Variants in IGLL1 observed in about 807,000 individuals in gnomAD.
IGLL1 encodes the protein immunoglobulin lambda like polypeptide 1, also known as immunoglobulin lambda-like polypeptide 1.
Under a neutral mutation model 10.5 loss-of-function variants are expected in IGLL1, and 10 were observed. The observed-to-expected ratio is 0.95, with a 90% CI of 0.59 to 1.62. The LOEUF (loss-of-function observed/expected upper bound fraction) is 1.62, where lower values mean the gene tolerates loss of function less well. Ranked by LOEUF, IGLL1 falls within the 40% of genes most tolerant of loss-of-function variation. IGLL1 has a pLI of 0.00. For missense variants in IGLL1, 284 were observed against 278.7 expected (o/e 1.02, Z -0.14); for synonymous variants, 141 against 122.7 (o/e 1.15, Z -0.99).
chr22:23,575,656 T>C (rs1042979503), intron 1 of IGLL1, among the ~76,000 whole-genome samples: 96 of 152,308 alleles, frequency 6.3e-4, no homozygotes, highest in African/African-American at 2.3e-3. Flanking sequence ...CGTCCATCCA[T>C]CTACCTGTCC....
intron 1 of IGLL1, 110 bp downstream of exon 1, chr22:23,579,875 C>T (rs935199720): frequency 2.1e-5 from 18 of 840,396 alleles, no homozygotes; most frequent in African/African-American, 5.1e-5. Flanking sequence ...TGTGGCTCCC[C>T]TCCAGGGATT....
intron 1 of IGLL1, among the ~76,000 whole-genome samples, chr22:23,575,662 T>C (rs1438609034): frequency 1.3e-5 from 2 of 152,158 alleles, no homozygotes; most frequent in Non-Finnish European, 2.9e-5. Flanking sequence ...TCCATCTACC[T>C]GTCCGTCCAT....
intron 1 of IGLL1, among the ~76,000 whole-genome samples, chr22:23,578,891 C>T (rs763927944): frequency 7.2e-5 from 11 of 151,938 alleles, no homozygotes; most frequent in South Asian, 2.1e-4. Context: ...ACCTGGGAGA[C>T]GGAGGTTTCA....
chr22:23,573,286 C>A lies in IGLL1; in HGVS notation c.622G>T (p.Ala208Ser), dbSNP rs753928148. 6.2e-7 allele frequency: 1 copy of A among 1,614,030 alleles called. No homozygotes were observed. The highest frequency in any genetic ancestry group is 8.5e-7 in the Non-Finnish European group (1 of 1,179,972). ...HEGSTVEKTV[A>S]PAECS ...GGAACCTATGAACATTCTGCAGGGG[C>A]CACCGTCTTCTCCACGGTGCTCCCT... The change falls in exon 3 of 3, where the codon GCC becomes TCC. Residue 208 changes from alanine to serine, a missense_variant. Ala to Ser is a moderately conservative substitution (Grantham distance 99). Coordinates refer to ENST00000330377, the MANE Select transcript of IGLL1 (RefSeq NM_020070.4).
rs5759905 is a variant in IGLL1, at chr22:23,573,702, G to A, written c.323-117C>T. On this transcript the variant is annotated intron_variant, in intron 2 of 2. Transcript: ENST00000330377. ...ATGGTGTGGCCGCCTGGTCCACCCA[G>A]GGCCTCTCCTTCCCTCCTCATTCCC... is the stretch of plus-strand genomic sequence containing the variant. 116,127 of 758,292 alleles carry A rather than the reference G, an allele frequency of 0.15. 8,255 individuals are homozygous for A. Among genetic ancestry groups the A allele is most frequent in the East Asian group, 0.2 (7,528 of 37,334 alleles). 47.0% of individuals were successfully genotyped at this position (758,292 alleles called of 1,614,324 possible). A position where few individuals can be genotyped will look rare whatever the true frequency, so the allele number is the denominator to read the frequency against.
At chr22:23,577,383 A>T (rs1341787612) in intron 1 of IGLL1, among the ~76,000 whole-genome samples, 1 of 152,196 alleles carries the variant, frequency 6.6e-6, no homozygotes, top group African/African-American at 2.4e-5. Context: ...CTAAAAAAAT[A>T]AATAAAACAA....
rs879057154 is a variant in IGLL1, at chr22:23,573,237, C to A, written c.*29G>T. On this transcript the variant is annotated 3_prime_UTR_variant, in exon 3 of 3. Coordinates refer to ENST00000330377, the MANE Select transcript of IGLL1 (RefSeq NM_020070.4). ...TCCCCTGGGATCCTGCAGCTCCAGG[C>A]CCCTTTGGGTGGGGTCGGGGCTGGG... 1 of 1,608,826 alleles carries A rather than the reference C, an allele frequency of 6.2e-7. No individual in the cohort carries two copies. Among genetic ancestry groups the A allele is most frequent in the South Asian group, 1.1e-5 (1 of 90,950 alleles).
At position 23,573,440 on chromosome 22, in the gene IGLL1, G is replaced by T. The variant is rs536839343; in HGVS notation, c.468C>A (p.Ile156=). The T allele has an allele frequency of 1.1e-4, 171 of 1,614,008 alleles. 1 individual carries two copies. The South Asian group carries it at 1.7e-3, about 16-fold the overall frequency. The change falls in exon 3 of 3, where the codon ATC becomes ATA. Residue 156 remains isoleucine, a synonymous_variant. Transcript: ENST00000330377. ...GCGTGGTCATCTCCACGCCCTGGGT[G>T]ATGGGGGTACCATCTGCCTTCCAGG... The part of the protein sequence containing the change: ...TVTWKADGTP[I]TQGVEMTTPS...
In IGLL1 at chr22:23,573,550, G is replaced by A; in HGVS notation, c.358C>T (p.Pro120Ser). Reference sequence around the variant, plus strand: ...GCTTGGAGCTCCTCAGAGGACGGCGGGAACAGAGTGACCGAGGGGGTGGCC... The same window carrying A: ...GCTTGGAGCTCCTCAGAGGACGGCGAGAACAGAGTGACCGAGGGGGTGGCC... ...PKATPSVTLF[P>S]PSSEELQANK... The change falls in exon 3 of 3, where the codon CCG becomes TCG. Residue 120 changes from proline (P) to serine (S), a missense_variant. Pro to Ser is a moderately conservative substitution (Grantham distance 74). Coordinates refer to ENST00000330377, the MANE Select transcript of IGLL1 (RefSeq NM_020070.4). 1.2e-6 allele frequency: 2 copies of A among 1,613,914 alleles called. No homozygotes were observed. Among genetic ancestry groups the A allele is most frequent in the Non-Finnish European group, 1.7e-6 (2 of 1,179,844 alleles).
At chr22:23,573,789 A>G (rs1924914985) in intron 2 of IGLL1, among the ~76,000 whole-genome samples, 1 of 151,910 alleles carries the variant, frequency 6.6e-6, no homozygotes. Context: ...AGCCCTTCCC[A>G]AGTCACCTTT....
intron 2 of IGLL1, among the ~76,000 whole-genome samples, 191 bp downstream of exon 2, chr22:23,574,776 G>C (rs547839432): frequency 6.6e-6 from 1 of 152,240 alleles, no homozygotes; most frequent in South Asian, 2.1e-4. Context: ...ACCTGAAGGC[G>C]GCTGCTCCCA....
intron 1 of IGLL1, among the ~76,000 whole-genome samples, 183 bp downstream of exon 1, chr22:23,579,802 T>A (rs1379757996): frequency 6.6e-6 from 1 of 152,122 alleles, no homozygotes. Context: ...TAATATGACA[T>A]TAAGCAATAA....
In IGLL1 at chr22:23,580,014, G is replaced by A. The variant is rs1448753361; in HGVS notation, c.177C>T (p.Ser59=). The A allele has an allele frequency of 1.9e-6, 3 of 1,584,820 alleles. No homozygotes were observed. The highest frequency in any genetic ancestry group is 1.8e-5 in the Admixed American group (1 of 56,828). ...CCCACCGGCTCCTCAGGCTGGACCG[G>A]CTGCTTCCTCCAGGGGCTCCAGGGC... ...ALGPGAPGGS[S]RSSLRSRWGR... The change falls in exon 1 of 3, where the codon AGC becomes AGT. Residue 59 remains serine, a synonymous_variant. Coordinates refer to ENST00000330377, the MANE Select transcript of IGLL1 (RefSeq NM_020070.4).
At position 23,580,049 on chromosome 22, in the gene IGLL1, T is replaced by C. The variant is rs555319123; in HGVS notation, c.142A>G (p.Arg48Gly). The change falls in exon 1 of 3, where the codon AGG becomes GGG. Residue 48 changes from arginine to glycine, a missense_variant. Coordinates refer to ENST00000330377, the MANE Select transcript of IGLL1 (RefSeq NM_020070.4). The stretch of plus-strand genomic sequence containing the variant: ...CCAGGGGCTCCAGGGCCCAGGGCCC[T>C]GCTCTGCGATGCAGCTGTTGGGCGC... ...LLRPTAASQS[R>G]ALGPGAPGGS... The C allele has an allele frequency of 2.1e-5, 33 of 1,575,144 alleles. No homozygotes were observed. The African/African-American group carries it at 3.4e-4, about 16-fold the overall frequency.
chr22:23,573,211 T>G lies in IGLL1; in HGVS notation c.*55A>C. 1 of 1,560,274 alleles carries G rather than the reference T, an allele frequency of 6.4e-7. No individual in the cohort carries two copies. The highest frequency in any genetic ancestry group is 8.8e-7 in the Non-Finnish European group (1 of 1,132,048). On this transcript the variant is annotated 3_prime_UTR_variant, in exon 3 of 3. Transcript: ENST00000330377. ...TGGCTTGGGATGCAGAGAGAGACCC[T>G]TCCCCTGGGATCCTGCAGCTCCAGG...
At chr22:23,574,685 C>T (rs990977428) in intron 2 of IGLL1, among the ~76,000 whole-genome samples, 3 of 152,186 alleles carry the variant, frequency 2.0e-5, no homozygotes, top group African/African-American at 4.8e-5. Context: ...ACTCAGACAT[C>T]TGCCCTGGGA....
At chr22:23,578,892 G>A (rs1925191309) in intron 1 of IGLL1, among the ~76,000 whole-genome samples, 1 of 152,082 alleles carries the variant, frequency 6.6e-6, no homozygotes, top group South Asian at 2.1e-4. Flanking sequence ...CCTGGGAGAC[G>A]GAGGTTTCAA....
chr22:23,573,268 A>G lies in IGLL1; in HGVS notation c.640T>C (p.Ter214GlnextTer38). Residue 214 changes from the stop codon to glutamine, a stop_lost, in exon 3 of 3, where the codon TAG becomes CAG. Coordinates refer to ENST00000330377, the MANE Select transcript of IGLL1 (RefSeq NM_020070.4). ...TGGGTGGGGTCGGGGCTGGGAACCTATGAACATTCTGCAGGGGCCACCGTC... is the reference window on the plus strand; with the variant it reads ...TGGGTGGGGTCGGGGCTGGGAACCTGTGAACATTCTGCAGGGGCCACCGTC... ...EKTVAPAECS* is the reference protein window; with the variant it reads ...EKTVAPAECSQ The G allele has an allele frequency of 1.2e-6, 2 of 1,613,980 alleles. No homozygotes were observed. The highest frequency in any genetic ancestry group is 1.7e-6 in the Non-Finnish European group (2 of 1,179,958).
rs267606189 is a variant in IGLL1 at position 23,573,464 on chromosome 22, G to T, written c.444C>A (p.Thr148=). 1 of 1,613,962 alleles carries T rather than the reference G, an allele frequency of 6.2e-7. No individual in the cohort carries two copies. The highest frequency in any genetic ancestry group is 8.5e-7 in the Non-Finnish European group (1 of 1,179,874). The change falls in exon 3 of 3, where the codon ACC becomes ACA. Residue 148 remains threonine (T), a synonymous_variant. Transcript: ENST00000330377. ...TGATGGGGGTACCATCTGCCTTCCAGGTCACCGTCAAGATTCCCGGATAAA... is the reference window on the plus strand; with the variant it reads ...TGATGGGGGTACCATCTGCCTTCCATGTCACCGTCAAGATTCCCGGATAAA... ...NDFYPGILTV[T]WKADGTPITQ...
Sources: allele counts gnomAD v4.1 joint callset (sites outside exome capture counted in the v4.1 genomes callset), GRCh38; gene constraint gnomAD v4.1.1; transcripts MANE v1.5; gene names NCBI Gene and HGNC (gene_info 2026-07-23, HGNC 2026-07-21).